Variants in NGRN observed in about 807,000 individuals in gnomAD.
NGRN encodes the protein neugrin.
A neutral mutation model predicts 13.1 loss-of-function variants in NGRN; 12 were observed. The ratio of observed to expected loss-of-function variants is 0.92; its 90% confidence interval spans 0.59 to 1.49. The LOEUF is 1.49. Ranked by LOEUF, NGRN falls within the 40% of genes most tolerant of loss-of-function variation. The pLI is 0.00. For synonymous variants in NGRN, 149 were observed against 145.8 expected (o/e 1.02, Z -0.16); for missense variants, 397 against 357.0 (o/e 1.11, Z -0.90).
intron 2 of NGRN, 26 bp downstream of exon 2, chr15:90,266,424 A>G: frequency 6.3e-7 from 1 of 1,577,980 alleles, no homozygotes; most frequent in Non-Finnish European, 8.7e-7. Context: ...CCTTGTTTGT[A>G]TCCGCTGTGA....
intron 2 of NGRN, among the ~76,000 whole-genome samples, chr15:90,267,916 A>C (rs1963452164): frequency 6.6e-6 from 1 of 152,204 alleles, no homozygotes; most frequent in South Asian, 2.1e-4. Context: ...ATTTAAAATA[A>C]AGGGGATTCT....
rs1339630194 is a variant in NGRN at position 90,265,865 on chromosome 15, G to A, written c.153G>A (p.Gln51=). 1.9e-6 allele frequency: 3 copies of A among 1,598,656 alleles called. No individual in the cohort carries two copies. The highest frequency in any genetic ancestry group is 2.6e-6 in the Non-Finnish European group (3 of 1,173,192). The change falls in exon 1 of 3, where the codon CAG becomes CAA. Residue 51 remains glutamine (Q), a synonymous_variant. Transcript: ENST00000379095. The part of the protein sequence containing the change: ...SDWEPEEREL[Q]EVESTLKRQK... ...GGGAGCCGGAGGAACGGGAGCTGCA[G>A]GAGGTGGAGAGGTACCGGCTTCTCC...
chr15:90,265,983 C>T, intron 1 of NGRN, 107 bp downstream of exon 1: 1 of 1,419,136 alleles, frequency 7.0e-7, no homozygotes, highest in South Asian at 1.5e-5. Flanking sequence ...TGCGCAGCGG[C>T]CCTTGTTTCT....
Position 90,271,577 on chromosome 15 carries a change from T to C in NGRN, c.665T>C (p.Val222Ala). The change falls in exon 3 of 3, where the codon GTG (valine) becomes GCG (alanine). Residue 222 changes from valine to alanine, a missense_variant. Physicochemically the swap from Val to Ala is moderately conservative, Grantham distance 64 (BLOSUM62 0). Coordinates refer to ENST00000379095, the MANE Select transcript of NGRN (RefSeq NM_001033088.3). ...KEIQDLEESF[V>A]PVAAPLGHPR... ...ATCCAGGACCTGGAGGAGAGCTTTGTGCCTGTTGCTGCACCCCTAGGTCAT... is the reference window on the plus strand; with the variant it reads ...ATCCAGGACCTGGAGGAGAGCTTTGCGCCTGTTGCTGCACCCCTAGGTCAT... 2 of 1,614,160 alleles carry C rather than the reference T, an allele frequency of 1.2e-6. No individual in the cohort carries two copies. The highest frequency in any genetic ancestry group is 2.2e-5 in the South Asian group (2 of 91,084).
chr15:90,270,767 A>C (rs1963490497), intron 2 of NGRN, among the ~76,000 whole-genome samples: 1 of 147,978 alleles, frequency 6.8e-6, no homozygotes, highest in Non-Finnish European at 1.5e-5. Flanking sequence ...CTAGCACAAG[A>C]TAGGGACTAG....
At chr15:90,266,112 A>G in intron 1 of NGRN, 176 bp from the exon 2 acceptor site, 1 of 1,439,540 alleles carries the variant, frequency 6.9e-7, no homozygotes, top group African/African-American at 1.4e-5. Flanking sequence ...ACAGGCAGTT[A>G]TTGTTCTAGG....
At chr15:90,271,073 G>A in intron 2 of NGRN, 115 bp from the exon 3 acceptor site, 1 of 1,223,520 alleles carries the variant, frequency 8.2e-7, no homozygotes, top group Non-Finnish European at 1.1e-6. Flanking sequence ...TGGGATTACA[G>A]GTGTGAGCCA....
chr15:90,271,429 T>G lies in NGRN; in HGVS notation c.517T>G (p.Leu173Val). The change falls in exon 3 of 3, where the codon TTG (leucine) becomes GTG (valine). Residue 173 changes from leucine to valine, a missense_variant. Leu to Val is a conservative substitution (Grantham distance 32). Transcript: ENST00000379095. Reference protein sequence around the residue: ...LPAGHSVSGSLLMPGHEASSK... With the variant: ...LPAGHSVSGSVLMPGHEASSK... ...TGCAGGCCACTCTGTATCAGGCTCT[T>G]TGCTTATGCCAGGGCATGAAGCCTC... 1 of 1,614,032 alleles carries G rather than the reference T, an allele frequency of 6.2e-7. No homozygotes were observed. Among genetic ancestry groups the G allele is most frequent in the African/African-American group, 1.3e-5 (1 of 75,044 alleles).
rs769524518 is a variant in NGRN at position 90,271,641 on chromosome 15, C to T, written c.729C>T (p.Ser243=). 3.7e-6 allele frequency: 6 copies of T among 1,614,146 alleles called. No individual in the cohort carries two copies. The highest frequency in any genetic ancestry group is 1.1e-5 in the South Asian group (1 of 91,080). Residue 243 remains serine (S), a synonymous_variant, in exon 3 of 3, where the codon AGC becomes AGT. Transcript: ENST00000379095. ...AGAAGTACTCCAGTGATTCTGAGAG[C>T]CCCAGAGGAACTGGCAGTGGTGCGT... is the stretch of plus-strand genomic sequence containing the variant. The part of the protein sequence containing the change: ...ELQKYSSDSE[S]PRGTGSGALP...
At chr15:90,271,155 C>T (rs1368176217) in intron 2 of NGRN, 33 bp from the exon 3 acceptor site, 3 of 1,588,988 alleles carry the variant, frequency 1.9e-6, no homozygotes, top group Non-Finnish European at 1.7e-6. Flanking sequence ...GAGACTTCTT[C>T]ACAACTTGCA....
chr15:90,266,238 A>G lies in NGRN; in HGVS notation c.165-50A>G, dbSNP rs528028832. The G allele has an allele frequency of 6.3e-6, 10 of 1,579,190 alleles. No individual in the cohort carries two copies. In the South Asian group the frequency reaches 8.1e-5, roughly 13 times the overall value. ...TGATTTAGCCTGAGGCTCTTCAAAC[A>G]TCCATTCTGCTTCCACGCATGGCTT... On this transcript the variant is annotated intron_variant, in intron 1 of 2. Transcript: ENST00000379095.
At chr15:90,266,149 G>A (rs28578912) in intron 1 of NGRN, 139 bp from the exon 2 acceptor site, 1 of 1,470,258 alleles carries the variant, frequency 6.8e-7, no homozygotes, top group Middle Eastern at 2.5e-4. Context: ...GTACGGAGCA[G>A]CTCTAAGCCG....
intron 2 of NGRN, among the ~76,000 whole-genome samples, chr15:90,270,026 CT>C (rs566300961): frequency 6.1e-4 from 93 of 152,314 alleles, no homozygotes; most frequent in African/African-American, 2.2e-3. Flanking sequence ...TCTGCCTATA[CT>C]TTTGTCACTG....
At chr15:90,268,992 C>CTTTTT (rs71461858) in intron 2 of NGRN, among the ~76,000 whole-genome samples, 7 of 45,688 alleles carry the variant, frequency 1.5e-4, no homozygotes, top group Admixed American at 3.8e-4. Flanking sequence ...CTGATTCTCT[C>CTTTTT]TTTTTTTTTT....
At position 90,265,748 on chromosome 15, in the gene NGRN, C is replaced by A; in HGVS notation, c.36C>A (p.Arg12=). 1.2e-6 allele frequency: 2 copies of A among 1,613,148 alleles called. No homozygotes were observed. Among genetic ancestry groups the A allele is most frequent in the Non-Finnish European group, 1.7e-6 (2 of 1,179,836 alleles). ...AVTLSLLLGG[R]VCAAVTRCGF... ...CCCTGAGTCTCTTGCTGGGCGGGCG[C>A]GTTTGCGCCGCCGTCACTCGCTGTG... The change falls in exon 1 of 3, where the codon CGC becomes CGA. Residue 12 remains arginine, a synonymous_variant. Transcript: ENST00000379095.
At chr15:90,267,256 C>A (rs1963439685) in intron 2 of NGRN, among the ~76,000 whole-genome samples, 1 of 151,698 alleles carries the variant, frequency 6.6e-6, no homozygotes, top group Non-Finnish European at 1.5e-5. Flanking sequence ...GTCTCCAATT[C>A]CCAGGGCTCA....
At chr15:90,266,212 A>G (rs1299759988) in intron 1 of NGRN, 76 bp from the exon 2 acceptor site, 26 of 1,534,646 alleles carry the variant, frequency 1.7e-5, no homozygotes, top group African/African-American at 6.9e-5. Flanking sequence ...TGGGCGCTCC[A>G]TGATTTAGCC....
chr15:90,266,038 T>C (rs79428200), intron 1 of NGRN, 162 bp downstream of exon 1: 4 of 486,064 alleles, frequency 8.2e-6, no homozygotes, highest in East Asian at 4.4e-4. Context: ...TCAGCTCCCC[T>C]GGGACCACTG....
Position 90,271,594 on chromosome 15 carries a change from C to A in NGRN, c.682C>A (p.Leu228Ile). The change falls in exon 3 of 3, where the codon CTA becomes ATA. Residue 228 changes from leucine (L) to isoleucine (I), a missense_variant. By Grantham distance (5) the Leu-to-Ile change is conservative (BLOSUM62 2). Coordinates refer to ENST00000379095, the MANE Select transcript of NGRN (RefSeq NM_001033088.3). The stretch of plus-strand genomic sequence containing the variant: ...GAGCTTTGTGCCTGTTGCTGCACCC[C>A]TAGGTCATCCAAGAGAGCTGCAGAA... Reference protein sequence around the residue: ...EESFVPVAAPLGHPRELQKYS... With the variant: ...EESFVPVAAPIGHPRELQKYS... The A allele has an allele frequency of 6.2e-7, 1 of 1,614,154 alleles. No individual in the cohort carries two copies. Among genetic ancestry groups the A allele is most frequent in the Non-Finnish European group, 8.5e-7 (1 of 1,180,028 alleles).
Sources: gnomAD v4.1 joint callset for allele counts (sites outside exome capture counted in the v4.1 genomes callset) on GRCh38, gnomAD v4.1.1 for gene constraint, MANE v1.5 for transcripts, NCBI Gene and HGNC (gene_info 2026-07-23, HGNC 2026-07-21) for gene names.